Variants in ASH1L observed in about 807,000 individuals in gnomAD.
ASH1L encodes the protein histone-lysine N-methyltransferase ASH1L.
A neutral mutation model predicts 269.0 loss-of-function variants in ASH1L; 23 were observed. The ratio of observed to expected loss-of-function variants is 0.09; its 90% CI spans 0.06 to 0.12. The LOEUF (loss-of-function observed/expected upper bound fraction) is 0.12, where lower values mean the gene tolerates loss of function less well. ASH1L is among the 10% of genes least tolerant of loss of function. The pLI is 1.00. For missense variants in ASH1L, 2,912 were observed against 3,567.8 expected, an observed-to-expected ratio of 0.82 and a Z score of 4.68; for synonymous variants, 1,187 against 1,253.5, an observed-to-expected ratio of 0.95 and a Z score of 1.12.
At chr1:155,544,889 T>C (rs1052894913) in intron 1 of ASH1L, among the ~76,000 whole-genome samples, 5 of 151,974 alleles carry the variant, frequency 3.3e-5, no homozygotes, top group Non-Finnish European at 7.4e-5. Flanking sequence ...AAACAAACTA[T>C]TGGCCGGGCG....
chr1:155,523,314 G>A (rs1669014163), intron 1 of ASH1L, among the ~76,000 whole-genome samples: 1 of 152,012 alleles, frequency 6.6e-6, no homozygotes, highest in South Asian at 2.1e-4. Flanking sequence ...GGGCAACATG[G>A]CAAAATCCTG....
chr1:155,511,362 T>C (rs2148818383), intron 2 of ASH1L, among the ~76,000 whole-genome samples: 1 of 152,340 alleles, frequency 6.6e-6, no homozygotes. Flanking sequence ...CAGTTTGATA[T>C]ACTTAACAAT....
At chr1:155,433,162 G>C (rs1661733248) in intron 5 of ASH1L, 1 of 1,505,420 alleles carries the variant, frequency 6.6e-7, no homozygotes. Flanking sequence ...CCCCCAGCTT[G>C]GGGCGCCTTC....
At chr1:155,369,470 T>A (rs1160666545) in intron 12 of ASH1L, among the ~76,000 whole-genome samples, 1 of 152,022 alleles carries the variant, frequency 6.6e-6, no homozygotes, top group Non-Finnish European at 1.5e-5. Context: ...AGTCTATGTA[T>A]TTCTCTGTAT....
Position 155,352,756 on chromosome 1 carries a change from C to T in ASH1L, c.7316G>A (p.Arg2439His), listed in dbSNP as rs1175812232. 8.7e-6 allele frequency: 14 copies of T among 1,613,562 alleles called. No individual in the cohort carries two copies. The highest frequency in any genetic ancestry group is 2.2e-5 in the East Asian group (1 of 44,886). Residue 2439 changes from arginine to histidine, a missense_variant, in exon 17 of 28, where the codon CGC becomes CAC. Arg to His is a conservative substitution (Grantham distance 29). This residue lies in a region of ASH1L where 309 missense variants were observed against 435.1 expected (regional missense o/e 0.71). Coordinates refer to ENST00000392403, the MANE Select transcript of ASH1L (RefSeq NM_018489.3). ...AATTTCTTTGAAGATCTGGGCTAGG[C>T]GGGCTGCCCGAGCCACTTCAATATT... ...EENIEVARAA[R>H]LAQIFKEICD...
intron 1 of ASH1L, among the ~76,000 whole-genome samples, chr1:155,539,916 A>G (rs1263046449): frequency 6.6e-6 from 1 of 151,892 alleles, no homozygotes; most frequent in African/African-American, 2.4e-5. Context: ...TAAAATAAAA[A>G]ATCAGCTAGG....
At chr1:155,429,353 A>G (rs1243165491) in intron 5 of ASH1L, among the ~76,000 whole-genome samples, 1 of 152,132 alleles carries the variant, frequency 6.6e-6, no homozygotes, top group Admixed American at 6.6e-5. Flanking sequence ...GGCTCACTGC[A>G]ATCTCTACCT....
intron 20 of ASH1L, among the ~76,000 whole-genome samples, chr1:155,346,913 C>A (rs1388917096): frequency 1.3e-5 from 2 of 152,214 alleles, no homozygotes; most frequent in Admixed American, 6.5e-5. Flanking sequence ...TTAGTGGGGA[C>A]ACTAAGGCTC....
intron 4 of ASH1L, among the ~76,000 whole-genome samples, chr1:155,447,551 G>A (rs1663131960): frequency 6.6e-6 from 1 of 152,038 alleles, no homozygotes; most frequent in South Asian, 2.1e-4. Flanking sequence ...TGTCTTTTGG[G>A]TATAAACCAT....
intron 5 of ASH1L, among the ~76,000 whole-genome samples, chr1:155,422,800 C>T (rs1482132765): frequency 6.6e-6 from 1 of 151,822 alleles, no homozygotes; most frequent in Non-Finnish European, 1.5e-5. Context: ...CAGGCACCCG[C>T]TACCACGCCT....
intron 4 of ASH1L, among the ~76,000 whole-genome samples, chr1:155,447,572 GTGAGATGATA>G (rs1663132800): frequency 1.3e-5 from 2 of 152,136 alleles, no homozygotes; most frequent in Admixed American, 6.5e-5. Flanking sequence ...TTTACCTGGG[GTGAGATGATA>G]TCTCATTGTA....
At chr1:155,435,342 A>G (rs1341527652) in intron 5 of ASH1L, among the ~76,000 whole-genome samples, 1 of 152,212 alleles carries the variant, frequency 6.6e-6, no homozygotes, top group Non-Finnish European at 1.5e-5. Flanking sequence ...CAATCACAAC[A>G]GTGTAATTAC....
At position 155,521,285 on chromosome 1, in the gene ASH1L, T is replaced by A. The variant is rs747697097; in HGVS notation, c.235A>T (p.Asn79Tyr). 1 of 1,614,196 alleles carries A rather than the reference T, an allele frequency of 6.2e-7. No homozygotes were observed. The highest frequency in any genetic ancestry group is 8.5e-7 in the Non-Finnish European group (1 of 1,180,036). Residue 79 changes from asparagine (N) to tyrosine (Y), a missense_variant, in exon 2 of 28, where the codon AAC (asparagine) becomes TAC (tyrosine). Asn to Tyr is a moderately radical substitution (Grantham distance 143, BLOSUM62 -2). Coordinates refer to ENST00000392403, the MANE Select transcript of ASH1L (RefSeq NM_018489.3). ...AQQQFSVKET[N>Y]FSEGNLKLKI... Reference sequence around the variant, plus strand: ...AATTTTAAATTTCCCTCTGAAAAGTTTGTTTCTTTCACTGAAAACTGTTGC... The same window carrying A: ...AATTTTAAATTTCCCTCTGAAAAGTATGTTTCTTTCACTGAAAACTGTTGC...
At chr1:155,510,180 C>T (rs545889099) in intron 2 of ASH1L, among the ~76,000 whole-genome samples, 2 of 151,970 alleles carry the variant, frequency 1.3e-5, no homozygotes, top group African/African-American at 4.8e-5. Flanking sequence ...CTTTGAGAGG[C>T]TGAGGCGGAC....
At chr1:155,562,956 A>C (rs1342683090), upstream of ASH1L, 4 of 453,216 alleles carry the variant, frequency 8.8e-6, no homozygotes, top group East Asian at 7.1e-5. Context: ...CCCCCGCGGG[A>C]CTGTTCCATT....
At chr1:155,499,689 T>A (rs1016592208) in intron 2 of ASH1L, among the ~76,000 whole-genome samples, 1 of 152,190 alleles carries the variant, frequency 6.6e-6, no homozygotes, top group Non-Finnish European at 1.5e-5. Flanking sequence ...TGTGAGGATC[T>A]CTGGAGTGAT....
chr1:155,498,295 T>C (rs1452555628), intron 2 of ASH1L, among the ~76,000 whole-genome samples: 1 of 151,686 alleles, frequency 6.6e-6, no homozygotes, highest in African/African-American at 2.4e-5. Context: ...AAAAAAAAAC[T>C]GTAGAGAAGA....
intron 3 of ASH1L, among the ~76,000 whole-genome samples, chr1:155,474,333 A>C (rs1007593351): frequency 1.3e-5 from 2 of 152,110 alleles, no homozygotes; most frequent in Non-Finnish European, 2.9e-5. Flanking sequence ...TTCTCTACTA[A>C]GCCTGAGAAC....
At chr1:155,349,199 A>G (rs1653656845) in intron 19 of ASH1L, 128 bp downstream of exon 19, 1 of 940,554 alleles carries the variant, frequency 1.1e-6, no homozygotes, top group South Asian at 1.7e-5. Flanking sequence ...TACCCCAAGG[A>G]TACTCAAAAA....
Sources: gnomAD v4.1 joint callset for allele counts (sites outside exome capture counted in the v4.1 genomes callset) on GRCh38, gnomAD v4.1.1 for gene constraint, gnomAD v4.1.1 regional missense constraint, MANE v1.5 for transcripts, NCBI Gene and HGNC (gene_info 2026-07-23, HGNC 2026-07-21) for gene names.